The following DLGAP2 variants were observed in gnomAD, a reference collection of about 807,000 sequenced individuals.
DLGAP2 encodes disks large-associated protein 2.
In DLGAP2, 26 loss-of-function variants were observed where a neutral mutation model predicts 100.3. That is an observed-to-expected ratio of 0.26 (90% confidence interval 0.19 to 0.36). The LOEUF is 0.36. Among genes scored for constraint, DLGAP2 ranks in the 10% least tolerant of loss-of-function variants. The pLI is 1.00. For missense variants in DLGAP2, 1,858 were observed against 1,453.2 expected, an observed-to-expected ratio of 1.28 and a Z score of -4.53; for synonymous variants, 886 against 630.1, an observed-to-expected ratio of 1.41 and a Z score of -6.08.
intron 8 of DLGAP2, among the ~76,000 whole-genome samples, chr8:1,662,809 G>A (rs1247427626): frequency 6.6e-6 from 1 of 151,996 alleles, no homozygotes; most frequent in Non-Finnish European, 1.5e-5. Context: ...TGTGGGCTGT[G>A]AGTGTGTGCA....
intron 1 of DLGAP2, among the ~76,000 whole-genome samples, chr8:861,243 CTA>C (rs2128989932): frequency 6.6e-6 from 1 of 152,256 alleles, no homozygotes; most frequent in South Asian, 2.1e-4. Context: ...AATGTCCTAG[CTA>C]TCACGGGAGC....
chr8:906,393 G>C (rs540861320), intron 1 of DLGAP2, among the ~76,000 whole-genome samples: 37 of 152,328 alleles, frequency 2.4e-4, no homozygotes, highest in African/African-American at 8.4e-4. Context: ...CCCTCCTGAG[G>C]GGGTGGGTTC....
intron 3 of DLGAP2, among the ~76,000 whole-genome samples, chr8:1,460,731 T>A (rs998402865): frequency 2.6e-5 from 4 of 152,216 alleles, no homozygotes; most frequent in African/African-American, 7.2e-5. Context: ...TGTGGCACAG[T>A]CTCTTTGGAG....
In DLGAP2 at chr8:1,641,941, CG is replaced by C. The variant is rs1455926004; in HGVS notation, c.1810+8896del. The stretch of plus-strand genomic sequence containing the variant: ...CCCTCACCTGTGTCACCCTCGACCC[CG>C]CCGGTCCTCACCTGTGTCACCCTCG... On this transcript the variant is annotated intron_variant, in intron 8 of 14. Transcript: ENST00000637795. Among the ~76,000 whole-genome samples the C allele has an allele frequency of 2.2e-3, 283 of 126,898 alleles. 1 individual carries two copies. Among genetic ancestry groups the C allele is most frequent in the African/African-American group, 1.0e-2 (266 of 26,684 alleles). 83.3% of individuals were successfully genotyped at this position (126,898 alleles called of 152,430 possible). A position where few individuals can be genotyped will look rare whatever the true frequency, so the allele number is the denominator to read the frequency against.
intron 2 of DLGAP2, among the ~76,000 whole-genome samples, chr8:1,042,787 T>TGGGTGTGGGTGGTGGGTGTGGGTGGTG (rs1802394231): frequency 9.6e-6 from 1 of 103,878 alleles, no homozygotes; most frequent in Non-Finnish European, 2.0e-5. Context: ...ATGTGGGTGG[T>TGGGTGTGGGTGGTGGGTGTGGGTGGTG]GGGTGTGGGT....
At chr8:1,217,097 C>G (rs1371062229) in intron 2 of DLGAP2, among the ~76,000 whole-genome samples, 2 of 152,144 alleles carry the variant, frequency 1.3e-5, no homozygotes, top group African/African-American at 2.4e-5. Flanking sequence ...TTTTTCAACA[C>G]TCTCCCTCCT....
At chr8:1,552,691 G>T (rs1214871642) in intron 5 of DLGAP2, among the ~76,000 whole-genome samples, 3 of 152,214 alleles carry the variant, frequency 2.0e-5, no homozygotes, top group South Asian at 2.1e-4. Flanking sequence ...AGATTTAAAA[G>T]AATAAGAAGA....
intron 4 of DLGAP2, among the ~76,000 whole-genome samples, chr8:1,533,307 G>A (rs1468764288): frequency 6.6e-6 from 1 of 151,942 alleles, no homozygotes; most frequent in East Asian, 1.9e-4. Context: ...GATCATCCTG[G>A]CTAACATGGT....
chr8:1,035,084 C>T (rs78148835), intron 2 of DLGAP2, among the ~76,000 whole-genome samples: 1 of 3,314 alleles, frequency 3.0e-4, no homozygotes, highest in Admixed American at 2.4e-3. Context: ...CGTGTCACCG[C>T]GAGTGGATTC....
intron 3 of DLGAP2, among the ~76,000 whole-genome samples, chr8:1,430,013 TATATATATATATATAC>T (rs1797374366): frequency 1.2e-4 from 9 of 76,080 alleles, no homozygotes; most frequent in East Asian, 3.4e-4. Context: ...TATACATATA[TATATATATATATATAC>T]ACACACACAC....
rs117817872 is a variant in DLGAP2 at position 1,653,549 on chromosome 8, C to A, written c.1811-14780C>A. On this transcript the variant is annotated intron_variant, in intron 8 of 14. Coordinates refer to ENST00000637795, the MANE Select transcript of DLGAP2 (RefSeq NM_001346810.2). The stretch of plus-strand genomic sequence containing the variant: ...CACAGAGCAACTTCAGTGCAAGGAG[C>A]CCTGATTTATTGGCAGGACCAACGG... Among the ~76,000 whole-genome samples, 451 of 152,308 alleles carry A rather than the reference C, an allele frequency of 3.0e-3. 14 individuals carry two copies. The East Asian group carries it at 0.074, about 25-fold the overall frequency.
At chr8:1,528,144 C>T (rs1028151786) in intron 4 of DLGAP2, among the ~76,000 whole-genome samples, 15 of 152,210 alleles carry the variant, frequency 9.9e-5, no homozygotes, top group African/African-American at 3.6e-4. Flanking sequence ...TCGGACGCAG[C>T]GATACCTTTG....
chr8:1,496,788 C>T (rs1799559976), intron 3 of DLGAP2, among the ~76,000 whole-genome samples: 1 of 152,302 alleles, frequency 6.6e-6, no homozygotes, highest in South Asian at 2.1e-4. Context: ...GCACCCGAGG[C>T]ACCGCACACG....
At chr8:1,484,931 C>T (rs990229417) in intron 3 of DLGAP2, among the ~76,000 whole-genome samples, 1 of 152,136 alleles carries the variant, frequency 6.6e-6, no homozygotes, top group Non-Finnish European at 1.5e-5. Context: ...TGCTGTCTGC[C>T]CCCTAGGACC....
intron 3 of DLGAP2, among the ~76,000 whole-genome samples, chr8:1,362,039 C>G (rs1011344741): frequency 2.0e-5 from 3 of 152,164 alleles, no homozygotes; most frequent in Non-Finnish European, 4.4e-5. Context: ...AGTTCGGTGT[C>G]TGGGGTTAAA....
chr8:780,759 C>G (rs1241347838), intron 1 of DLGAP2, among the ~76,000 whole-genome samples: 1 of 152,188 alleles, frequency 6.6e-6, no homozygotes, highest in Non-Finnish European at 1.5e-5. Flanking sequence ...CCGTGTCTGG[C>G]AGATGTCCAA....
At chr8:809,902 G>A (rs1244672481) in intron 1 of DLGAP2, among the ~76,000 whole-genome samples, 1 of 152,228 alleles carries the variant, frequency 6.6e-6, no homozygotes, top group African/African-American at 2.4e-5. Flanking sequence ...GACTCGCCCA[G>A]AAGCATGGTG....
At chr8:940,728 A>C (rs1250747452) in intron 2 of DLGAP2, among the ~76,000 whole-genome samples, 6 of 152,206 alleles carry the variant, frequency 3.9e-5, no homozygotes, top group African/African-American at 1.4e-4. Context: ...TTTGTTTTAC[A>C]AAAATTTAAA....
At chr8:1,088,833 CCA>C (rs1804069104) in intron 2 of DLGAP2, among the ~76,000 whole-genome samples, 1 of 86,906 alleles carries the variant, frequency 1.2e-5, no homozygotes. Flanking sequence ...GCAGGCTATG[CCA>C]TTCTCGCTCC....
Sources: gnomAD v4.1 joint callset for allele counts (sites outside exome capture counted in the v4.1 genomes callset) on GRCh38, gnomAD v4.1.1 for gene constraint, MANE v1.5 for transcripts, NCBI Gene and HGNC (gene_info 2026-07-23, HGNC 2026-07-21) for gene names.